SAMD4A: variants seen among roughly 807,000 people sequenced by gnomAD.
SAMD4A encodes protein Smaug homolog 1.
SAMD4A carries 33 observed loss-of-function variants against 81.3 expected under a neutral mutation model. The ratio of observed to expected loss-of-function variants is 0.41; its 90% CI spans 0.31 to 0.54. SAMD4A has a LOEUF of 0.54. Ranked by LOEUF, SAMD4A falls within the 20% of genes least tolerant of loss-of-function variation. SAMD4A has a pLI of 0.37. For missense variants in SAMD4A, 854 were observed against 951.1 expected (o/e 0.90, Z 1.34); for synonymous variants, 389 against 382.1 (o/e 1.02, Z -0.21).
intron 3 of SAMD4A, among the ~76,000 whole-genome samples, chr14:54,716,602 C>A (rs1403547867): frequency 6.6e-6 from 1 of 152,086 alleles, no homozygotes; most frequent in Non-Finnish European, 1.5e-5. Flanking sequence ...GCTCGTTAGT[C>A]TTCATTTGCC....
intron 2 of SAMD4A, among the ~76,000 whole-genome samples, chr14:54,632,754 A>G (rs757234281): frequency 1.3e-5 from 2 of 152,182 alleles, no homozygotes; most frequent in South Asian, 2.1e-4. Flanking sequence ...CTTATTAGCT[A>G]TGCATCTTGG....
intron 2 of SAMD4A, among the ~76,000 whole-genome samples, chr14:54,685,439 C>T (rs1195607069): frequency 6.6e-6 from 1 of 152,204 alleles, no homozygotes; most frequent in Admixed American, 6.5e-5. Context: ...GAATTTCCTT[C>T]CTTGTTGAGG....
At chr14:54,653,032 T>C (rs1238558283) in intron 2 of SAMD4A, among the ~76,000 whole-genome samples, 1 of 152,120 alleles carries the variant, frequency 6.6e-6, no homozygotes, top group Non-Finnish European at 1.5e-5. Flanking sequence ...TCTTCATTCA[T>C]GCCCTCTCGG....
intron 2 of SAMD4A, chr14:54,695,010 C>A: frequency 1.4e-6 from 1 of 703,070 alleles, no homozygotes. Context: ...CTTTGAATGA[C>A]CAGCACCTGA....
chr14:54,745,555 A>G (rs1417918962), intron 4 of SAMD4A, among the ~76,000 whole-genome samples: 1 of 152,190 alleles, frequency 6.6e-6, no homozygotes, highest in South Asian at 2.1e-4. Flanking sequence ...TAATTTTTGT[A>G]TAAGTCAGCC....
chr14:54,570,852 A>G (rs370762941), intron 2 of SAMD4A, among the ~76,000 whole-genome samples: 19 of 152,340 alleles, frequency 1.2e-4, no homozygotes, highest in African/African-American at 4.3e-4. Flanking sequence ...TCAGAAAACT[A>G]GGCTGTGCAG....
chr14:54,584,163 G>A (rs1316831865), intron 2 of SAMD4A, among the ~76,000 whole-genome samples: 3 of 152,142 alleles, frequency 2.0e-5, no homozygotes, highest in African/African-American at 7.2e-5. Context: ...TGTAACAGGT[G>A]GCTTTAGTTG....
At chr14:54,725,419 G>T (rs2037389515) in intron 3 of SAMD4A, among the ~76,000 whole-genome samples, 1 of 152,222 alleles carries the variant, frequency 6.6e-6, no homozygotes, top group Non-Finnish European at 1.5e-5. Context: ...ACCAGGAAAA[G>T]CAGAAGTTTG....
rs997244598 is a variant in SAMD4A, at chr14:54,713,886, A to G, written c.715+11306A>G. Reference sequence around the variant, plus strand: ...TTGGTTTTAAAGTCCAGTTTTTCCAATAACTAGAGGTATAGTTATGGACAA... The same window carrying G: ...TTGGTTTTAAAGTCCAGTTTTTCCAGTAACTAGAGGTATAGTTATGGACAA... On this transcript the variant is annotated intron_variant, in intron 3 of 12. Coordinates refer to ENST00000554335, the MANE Select transcript of SAMD4A (RefSeq NM_015589.6). 6.6e-5 allele frequency among the ~76,000 whole-genome samples: 10 copies of G among 152,188 alleles called. 1 individual carries two copies. Among genetic ancestry groups the G allele is most frequent in the Non-Finnish European group, 1.5e-5 (1 of 68,022 alleles).
chr14:54,568,348 C>G (rs1214599376), intron 2 of SAMD4A, among the ~76,000 whole-genome samples: 1 of 152,068 alleles, frequency 6.6e-6, no homozygotes. Context: ...TCCGTCAGCC[C>G]TTTCCGTGTG....
intron 2 of SAMD4A, chr14:54,694,476 T>G (rs1172399102): frequency 8.7e-6 from 2 of 230,352 alleles, no homozygotes; most frequent in Non-Finnish European, 1.4e-5. Flanking sequence ...GCAGATGTGG[T>G]GAGAGTGAGA....
chr14:54,594,044 T>C (rs2033850687), intron 2 of SAMD4A, among the ~76,000 whole-genome samples: 1 of 152,164 alleles, frequency 6.6e-6, no homozygotes, highest in Non-Finnish European at 1.5e-5. Flanking sequence ...TAAGAAAATG[T>C]CTTTGTTTCT....
chr14:54,664,117 A>G (rs1309675807), intron 2 of SAMD4A, among the ~76,000 whole-genome samples: 1 of 152,240 alleles, frequency 6.6e-6, no homozygotes, highest in Non-Finnish European at 1.5e-5. Context: ...TAAAAGATTG[A>G]GGAGAAAGTC....
chr14:54,774,838 A>C, intron 9 of SAMD4A, 96 bp from the exon 10 acceptor site: 16 of 865,520 alleles, frequency 1.8e-5, no homozygotes, highest in Non-Finnish European at 2.6e-5. Context: ...AAAAAAAATG[A>C]GGAGACCTCC....
At chr14:54,686,469 C>T (rs2036272332) in intron 2 of SAMD4A, among the ~76,000 whole-genome samples, 1 of 151,830 alleles carries the variant, frequency 6.6e-6, no homozygotes, top group African/African-American at 2.4e-5. Context: ...ATAGCTTTTC[C>T]AGCTGAATGT....
At chr14:54,745,906 C>T (rs982126334) in intron 4 of SAMD4A, among the ~76,000 whole-genome samples, 1 of 152,188 alleles carries the variant, frequency 6.6e-6, no homozygotes, top group African/African-American at 2.4e-5. Flanking sequence ...AGCCACAGCC[C>T]ACAGCTTCAC....
chr14:54,757,488 G>A (rs2038277931), intron 6 of SAMD4A, among the ~76,000 whole-genome samples: 1 of 151,388 alleles, frequency 6.6e-6, no homozygotes, highest in African/African-American at 2.4e-5. Context: ...AGATTTGAAT[G>A]GGGCATGCAT....
At chr14:54,604,729 C>T (rs2034153516) in intron 2 of SAMD4A, among the ~76,000 whole-genome samples, 1 of 152,102 alleles carries the variant, frequency 6.6e-6, no homozygotes, top group South Asian at 2.1e-4. Context: ...TTTTATTGCA[C>T]TTCTGATCTT....
upstream of SAMD4A, chr14:54,567,117 C>G (rs1331173936): frequency 1.3e-5 from 2 of 152,360 alleles, no homozygotes; most frequent in East Asian, 1.9e-4. Context: ...CCCCCACCCC[C>G]GCGCCCCTTC....
Sources: gnomAD v4.1 joint callset for allele counts (sites outside exome capture counted in the v4.1 genomes callset) on GRCh38, gnomAD v4.1.1 for gene constraint, MANE v1.5 for transcripts, NCBI Gene and HGNC (gene_info 2026-07-23, HGNC 2026-07-21) for gene names.